TMCO4: variants seen among roughly 807,000 people sequenced by gnomAD.
TMCO4 encodes transmembrane and coiled-coil domain-containing protein 4.
A neutral mutation model predicts 64.7 loss-of-function variants in TMCO4; 58 were observed. The observed-to-expected ratio is 0.90, with a 90% confidence interval of 0.73 to 1.12. The LOEUF is 1.12. Among genes scored for constraint, TMCO4 ranks in the 50% most tolerant of loss-of-function variants. The probability of loss-of-function intolerance (pLI) is 0.00; values close to 1 mark genes in which losing one functional copy is unlikely to be tolerated. For synonymous variants in TMCO4, 325 were observed against 346.1 expected (o/e 0.94, Z 0.68); for missense variants, 780 against 825.9 (o/e 0.94, Z 0.68).
Position 19,739,887 on chromosome 1 carries a change from C to A in TMCO4, c.1116G>T (p.Val372=), listed in dbSNP as rs41303893. ...CAACCTCTGCTGATCGATGGAGACA[C>A]ACCCCCCAGGGGTTGTCGATGACAT... ...VANVIDNPWG[V]CLHRSAEVGK... is the part of the protein sequence containing the mutation. The change falls in exon 12 of 16, where the codon GTG becomes GTT. Residue 372 remains valine (V), a synonymous_variant. Coordinates refer to ENST00000294543, the MANE Select transcript of TMCO4 (RefSeq NM_181719.7). 37,962 of 1,613,898 alleles carry A rather than the reference C, an allele frequency of 0.024. 655 individuals carry two copies. The highest frequency in any genetic ancestry group is 0.078 in the East Asian group (3,491 of 44,840).
chr1:19,777,917 G>A (rs896937188), intron 4 of TMCO4, among the ~76,000 whole-genome samples: 2 of 152,152 alleles, frequency 1.3e-5, no homozygotes, highest in Non-Finnish European at 2.9e-5. Flanking sequence ...TGCATCTGTA[G>A]TCCCAGCTAC....
At chr1:19,707,721 C>T in intron 13 of TMCO4, among the ~76,000 whole-genome samples, 1 of 152,246 alleles carries the variant, frequency 6.6e-6, no homozygotes, top group East Asian at 1.9e-4. Flanking sequence ...CATTTTCACA[C>T]TGCTAGAAAG....
In TMCO4 at chr1:19,746,423, T is replaced by C. The variant is rs1204276560; in HGVS notation, c.757+33A>G. 1.2e-6 allele frequency: 2 copies of C among 1,611,558 alleles called. 1 individual carries two copies. Among genetic ancestry groups the C allele is most frequent in the East Asian group, 4.5e-5 (2 of 44,822 alleles). ...GAACTGGGCCACCCTGGCTGAAAAT[T>C]CCTCTGAACCCATCATTCCTTTTGA... is the stretch of plus-strand genomic sequence containing the variant. On this transcript the variant is annotated intron_variant, in intron 9 of 15. Transcript: ENST00000294543.
chr1:19,735,586 C>G (rs1024530461), intron 13 of TMCO4, among the ~76,000 whole-genome samples: 1 of 152,228 alleles, frequency 6.6e-6, no homozygotes, highest in African/African-American at 2.4e-5. Context: ...TCCCTCTTCC[C>G]TCTTTCCAGT....
At chr1:19,719,688 C>CT (rs1420490475) in intron 13 of TMCO4, among the ~76,000 whole-genome samples, 1 of 152,002 alleles carries the variant, frequency 6.6e-6, no homozygotes, top group Non-Finnish European at 1.5e-5. Context: ...ACCACCATGT[C>CT]TGGCTAATTA....
At chr1:19,792,849 C>T (rs560714016) in intron 2 of TMCO4, among the ~76,000 whole-genome samples, 1 of 146,040 alleles carries the variant, frequency 6.8e-6, no homozygotes, top group African/African-American at 2.5e-5. Context: ...GGGCTCACTG[C>T]AACCTCCACT....
At position 19,701,035 on chromosome 1, in the gene TMCO4, C is replaced by T. The variant is rs2095268874; in HGVS notation, c.1265-150G>A. On this transcript the variant is annotated intron_variant, in intron 13 of 15. Coordinates refer to ENST00000294543, the MANE Select transcript of TMCO4 (RefSeq NM_181719.7). ...AATCATGTGCAAATGTGCATGTACA[C>T]ACATGCAAACACGCAAACATGCATG... is the stretch of plus-strand genomic sequence containing the variant. 1.4e-5 allele frequency: 9 copies of T among 630,170 alleles called. No homozygotes were observed. The South Asian group carries it at 1.6e-4, about 11-fold the overall frequency. 39.0% of individuals were successfully genotyped at this position (630,170 alleles called of 1,614,324 possible). A position where few individuals can be genotyped will look rare whatever the true frequency, so the allele number is the denominator to read the frequency against.
At chr1:19,768,334 G>A (rs1005694209) in intron 6 of TMCO4, among the ~76,000 whole-genome samples, 11 of 152,276 alleles carry the variant, frequency 7.2e-5, no homozygotes, top group African/African-American at 2.6e-4. Flanking sequence ...CCAGCAGCCC[G>A]AGTCTCAGAC....
chr1:19,708,162 C>T (rs1012525396), intron 13 of TMCO4, among the ~76,000 whole-genome samples: 11 of 152,044 alleles, frequency 7.2e-5, no homozygotes, highest in African/African-American at 1.4e-4. Context: ...GGGAAGCCTA[C>T]GATGGTACTG....
Position 19,737,479 on chromosome 1 carries a change from T to C in TMCO4, c.1180-23A>G, listed in dbSNP as rs2095460365. On this transcript the variant is annotated intron_variant, in intron 12 of 15. Coordinates refer to ENST00000294543, the MANE Select transcript of TMCO4 (RefSeq NM_181719.7). ...CCCCTGAAGGGAAAAAGGACACAGG[T>C]GTCTGGAAGGAATACTGCCAGTTCT... is the stretch of plus-strand genomic sequence containing the variant. 1.9e-6 allele frequency: 3 copies of C among 1,612,034 alleles called. No individual in the cohort carries two copies. The African/African-American group carries it at 4.0e-5, about 21-fold the overall frequency.
At chr1:19,699,042 A>G (rs573570788) in intron 14 of TMCO4, among the ~76,000 whole-genome samples, 1 of 152,134 alleles carries the variant, frequency 6.6e-6, no homozygotes, top group Non-Finnish European at 1.5e-5. Flanking sequence ...TAAAAATACA[A>G]TAAATTAGCC....
At chr1:19,739,713 C>A in intron 12 of TMCO4, 111 bp downstream of exon 12, 1 of 1,486,286 alleles carries the variant, frequency 6.7e-7, no homozygotes, top group Non-Finnish European at 9.0e-7. Flanking sequence ...CCCCCAAAAC[C>A]ATTGAGTTAT....
intron 14 of TMCO4, among the ~76,000 whole-genome samples, chr1:19,695,916 T>C (rs150578938): frequency 5.3e-5 from 8 of 152,278 alleles, no homozygotes; most frequent in African/African-American, 1.7e-4. Flanking sequence ...CTCCTCCCTA[T>C]GGCCAACGTA....
At chr1:19,754,315 G>A (rs2042151069) in intron 7 of TMCO4, among the ~76,000 whole-genome samples, 2 of 152,112 alleles carry the variant, frequency 1.3e-5, no homozygotes, top group Non-Finnish European at 2.9e-5. Flanking sequence ...CATATCCAAA[G>A]AACCTAGGAT....
At chr1:19,745,443 C>T (rs775718058) in intron 10 of TMCO4, 89 bp downstream of exon 10, 4 of 1,585,544 alleles carry the variant, frequency 2.5e-6, no homozygotes, top group Middle Eastern at 2.0e-4. Flanking sequence ...CCTATACCTG[C>T]TCCCTAGTGC....
intron 15 of TMCO4, among the ~76,000 whole-genome samples, chr1:19,684,052 G>A (rs947589268): frequency 2.2e-5 from 3 of 138,782 alleles, no homozygotes; most frequent in African/African-American, 8.4e-5. Flanking sequence ...GTGAGCCACT[G>A]TGCCCGGCAG....
At chr1:19,760,944 C>T (rs764419954) in intron 6 of TMCO4, among the ~76,000 whole-genome samples, 2 of 152,188 alleles carry the variant, frequency 1.3e-5, no homozygotes, top group Middle Eastern at 3.2e-3. Context: ...AGATGTATAT[C>T]CCCTTTCGGC....
chr1:19,740,038 C>A, intron 11 of TMCO4, 78 bp from the exon 12 acceptor site: 1 of 1,496,018 alleles, frequency 6.7e-7, no homozygotes, highest in South Asian at 1.3e-5. Context: ...CTAACAGATG[C>A]TCAAATAAAT....
chr1:19,740,267 C>T (rs1033391843), intron 11 of TMCO4, among the ~76,000 whole-genome samples: 1 of 152,180 alleles, frequency 6.6e-6, no homozygotes, highest in African/African-American at 2.4e-5. Flanking sequence ...CCCCTCTAGA[C>T]TCAGCCATGT....
Sources: gnomAD v4.1 joint callset for allele counts (sites outside exome capture counted in the v4.1 genomes callset) on GRCh38, gnomAD v4.1.1 for gene constraint, MANE v1.5 for transcripts, NCBI Gene and HGNC (gene_info 2026-07-23, HGNC 2026-07-21) for gene names.